ST6GAL1: variants seen among roughly 807,000 people sequenced by gnomAD.
ST6GAL1 encodes the protein ST6 beta-galactoside alpha-2,6-sialyltransferase 1, also known as beta-galactoside alpha-2,6-sialyltransferase 1.
ST6GAL1 carries 20 observed loss-of-function variants against 38.0 expected under a neutral mutation model. The observed-to-expected ratio is 0.53, with a 90% CI of 0.37 to 0.77. ST6GAL1 has a LOEUF of 0.77. Among genes scored for constraint, ST6GAL1 ranks in the 30% least tolerant of loss-of-function variants. ST6GAL1 has a pLI of 0.00. For missense variants in ST6GAL1, 432 were observed against 496.4 expected, an observed-to-expected ratio of 0.87 and a Z score of 1.23; for synonymous variants, 196 against 188.2, an observed-to-expected ratio of 1.04 and a Z score of -0.34.
In ST6GAL1 at chr3:186,952,564, G is replaced by A. The variant is rs1714618137; in HGVS notation, c.-324-11221G>A. 6.6e-6 allele frequency among the ~76,000 whole-genome samples: 1 copy of A among 151,818 alleles called. No individual in the cohort carries two copies. Among genetic ancestry groups the A allele is most frequent in the African/African-American group, 2.4e-5 (1 of 41,306 alleles). On this transcript the variant is annotated intron_variant, in intron 1 of 7. Coordinates refer to ENST00000169298, the MANE Select transcript of ST6GAL1 (RefSeq NM_173216.2). The surrounding 1 kb of genome is among the most constrained non-coding windows in gnomAD (Gnocchi z 4.1). ...CTCTTACCCAGGCTGGAGTGCAGTGGCGCGATCTCAGCTCACTGCAACCTC... is the reference window on the plus strand; with the variant it reads ...CTCTTACCCAGGCTGGAGTGCAGTGACGCGATCTCAGCTCACTGCAACCTC...
chr3:186,962,652 T>C (rs536094796), intron 1 of ST6GAL1, among the ~76,000 whole-genome samples: 2 of 152,326 alleles, frequency 1.3e-5, no homozygotes, highest in Non-Finnish European at 2.9e-5. Flanking sequence ...GGAAGCTCTT[T>C]GACCCAGCAC....
At chr3:187,050,534 A>AAGAGAGAGAGAG (rs147505225) in intron 4 of ST6GAL1, among the ~76,000 whole-genome samples, 48 of 87,870 alleles carry the variant, frequency 5.5e-4, no homozygotes, top group East Asian at 1.3e-3. Flanking sequence ...CTTACAAAGA[A>AAGAGAGAGAGAG]AGAGAGAGAG....
chr3:187,074,097 C>T (rs1719479504), intron 6 of ST6GAL1, 62 bp from the exon 7 acceptor site: 2 of 1,481,096 alleles, frequency 1.4e-6, no homozygotes, highest in Non-Finnish European at 1.8e-6. Context: ...GAAGATGACT[C>T]CTGGGGGGAG....
chr3:186,969,701 A>G (rs1468399813), intron 2 of ST6GAL1, among the ~76,000 whole-genome samples: 3 of 152,230 alleles, frequency 2.0e-5, no homozygotes, highest in African/African-American at 7.2e-5. Flanking sequence ...GGAAGTGCAG[A>G]GGAAGAGCGG....
At chr3:187,031,788 A>G (rs187290243) in intron 2 of ST6GAL1, among the ~76,000 whole-genome samples, 62 of 152,250 alleles carry the variant, frequency 4.1e-4, no homozygotes, top group Non-Finnish European at 8.8e-5. Flanking sequence ...AGGACTTGTT[A>G]TTATTACTAT....
At chr3:186,955,223 G>C (rs1413117419) in intron 1 of ST6GAL1, among the ~76,000 whole-genome samples, 2 of 152,178 alleles carry the variant, frequency 1.3e-5, no homozygotes, top group Non-Finnish European at 1.5e-5. Flanking sequence ...ATGCTGTTTT[G>C]GTTACTGTAG....
rs1453650967 is a variant in ST6GAL1 at position 186,993,595 on chromosome 3, TA to T, written c.-183+29670del. ...TTATTTATTTATTTATTTATTTATT[TA>T]TTTATTTATATGTTTTAGAAAACTA... On this transcript the variant is annotated intron_variant, in intron 2 of 7. Transcript: ENST00000169298. Among the ~76,000 whole-genome samples the T allele has an allele frequency of 3.4e-3, 323 of 94,814 alleles. 3 individuals are homozygous for T. The highest frequency in any genetic ancestry group is 5.5e-3 in the African/African-American group (176 of 32,280). 62.2% of individuals were successfully genotyped at this position (94,814 alleles called of 152,430 possible). A position where few individuals can be genotyped will look rare whatever the true frequency, so the allele number is the denominator to read the frequency against.
intron 2 of ST6GAL1, among the ~76,000 whole-genome samples, chr3:187,001,269 A>G (rs976596403): frequency 5.3e-5 from 8 of 152,230 alleles, no homozygotes; most frequent in African/African-American, 1.7e-4. Context: ...TCCACTGCAC[A>G]TAGATCTGTC....
At chr3:187,063,598 G>T (rs766512923) in intron 5 of ST6GAL1, among the ~76,000 whole-genome samples, 7 of 152,196 alleles carry the variant, frequency 4.6e-5, no homozygotes, top group Non-Finnish European at 1.0e-4. Flanking sequence ...GAGGAGAGGG[G>T]AGAGGGGAGG....
chr3:186,993,288 C>G (rs1302882758), intron 2 of ST6GAL1, among the ~76,000 whole-genome samples: 1 of 152,224 alleles, frequency 6.6e-6, no homozygotes, highest in Non-Finnish European at 1.5e-5. Context: ...CAGAAACATC[C>G]AGTCTGGTTC....
intron 2 of ST6GAL1, among the ~76,000 whole-genome samples, chr3:187,000,699 G>T (rs1716589417): frequency 6.6e-6 from 1 of 152,212 alleles, no homozygotes; most frequent in South Asian, 2.1e-4. Context: ...TATTTAGGTT[G>T]TTCCAAATTT....
At chr3:186,996,828 G>A (rs561648309) in intron 2 of ST6GAL1, among the ~76,000 whole-genome samples, 127 of 151,880 alleles carry the variant, frequency 8.4e-4, no homozygotes, top group African/African-American at 3.0e-3. Flanking sequence ...CTTCCTGTTG[G>A]CCACTACATA....
intron 1 of ST6GAL1, among the ~76,000 whole-genome samples, chr3:186,951,288 C>T (rs1471269962): frequency 6.6e-6 from 1 of 152,150 alleles, no homozygotes; most frequent in Non-Finnish European, 1.5e-5. Flanking sequence ...AACTCCTGAC[C>T]TCAGGCAATC....
intron 2 of ST6GAL1, among the ~76,000 whole-genome samples, chr3:187,020,225 G>A (rs1312230941): frequency 1.3e-5 from 2 of 152,190 alleles, no homozygotes; most frequent in African/African-American, 2.4e-5. Flanking sequence ...GAACCTGGGA[G>A]GTGGAGGTTG....
chr3:187,016,598 C>T (rs569207906), intron 2 of ST6GAL1, among the ~76,000 whole-genome samples: 1 of 152,104 alleles, frequency 6.6e-6, no homozygotes, highest in Non-Finnish European at 1.5e-5. Flanking sequence ...GTGGATCTGT[C>T]CCCCAAAGAA....
chr3:187,030,170 A>C (rs1298982519), intron 2 of ST6GAL1, among the ~76,000 whole-genome samples: 1 of 152,194 alleles, frequency 6.6e-6, no homozygotes, highest in East Asian at 1.9e-4. Context: ...TAAAATATTC[A>C]GGCAACGAAG....
intron 2 of ST6GAL1, among the ~76,000 whole-genome samples, chr3:186,989,669 ATTAAAAG>A (rs1382134066): frequency 6.6e-6 from 1 of 152,368 alleles, no homozygotes; most frequent in East Asian, 1.9e-4. Flanking sequence ...AAAGCTAATG[ATTAAAAG>A]CTTTGTGTAT....
At chr3:187,011,780 G>C (rs535987348) in intron 2 of ST6GAL1, among the ~76,000 whole-genome samples, 75 of 152,226 alleles carry the variant, frequency 4.9e-4, no homozygotes, top group African/African-American at 1.8e-3. Flanking sequence ...ATGCCCTGCT[G>C]GGCATGAAGG....
chr3:186,963,400 C>G (rs1714996304), intron 1 of ST6GAL1, among the ~76,000 whole-genome samples: 1 of 152,156 alleles, frequency 6.6e-6, no homozygotes, highest in South Asian at 2.1e-4. Context: ...GCATAAACAA[C>G]ATACTATAGG....
Sources: allele counts gnomAD v4.1 joint callset (sites outside exome capture counted in the v4.1 genomes callset), GRCh38; gene constraint gnomAD v4.1.1; non-coding constraint Gnocchi (gnomAD v3.1); transcripts MANE v1.5; gene names NCBI Gene and HGNC (gene_info 2026-07-23, HGNC 2026-07-21).